NIBAN1: variants seen among roughly 807,000 people sequenced by gnomAD.
NIBAN1 encodes niban apoptosis regulator 1.
Under a neutral mutation model 75.1 loss-of-function variants are expected in NIBAN1, and 81 were observed. The observed-to-expected ratio is 1.08, with a 90% CI of 0.90 to 1.30. NIBAN1 has a LOEUF of 1.30. Among genes scored for constraint, NIBAN1 ranks in the 50% most tolerant of loss-of-function variants. The pLI is 0.00. For missense variants in NIBAN1, 1,133 were observed against 1,128.1 expected (o/e 1.00, Z -0.06); for synonymous variants, 436 against 424.8 (o/e 1.03, Z -0.32).
chr1:184,823,791 T>TCAGGA (rs1443817482), intron 6 of NIBAN1, 49 bp from the exon 7 acceptor site: 6 of 1,516,808 alleles, frequency 4.0e-6, no homozygotes, highest in Non-Finnish European at 4.6e-6. Context: ...GATGGCTACA[T>TCAGGA]CTGAGCATCA....
intron 1 of NIBAN1, among the ~76,000 whole-genome samples, chr1:184,927,279 C>T (rs913480720): frequency 9.9e-5 from 15 of 152,108 alleles, no homozygotes; most frequent in African/African-American, 2.9e-4. Flanking sequence ...TCAGTCTGGG[C>T]TTGTTTGTAC....
intron 1 of NIBAN1, among the ~76,000 whole-genome samples, chr1:184,954,909 A>C (rs970047553): frequency 6.6e-6 from 1 of 152,216 alleles, no homozygotes; most frequent in Non-Finnish European, 1.5e-5. Flanking sequence ...CAGCTCTATG[A>C]ATCTTCTATG....
At chr1:184,904,494 A>C (rs1657038891) in intron 1 of NIBAN1, among the ~76,000 whole-genome samples, 2 of 152,192 alleles carry the variant, frequency 1.3e-5, no homozygotes, top group African/African-American at 4.8e-5. Flanking sequence ...TTAACTCTAT[A>C]CAGGCTCAAA....
chr1:184,823,876 C>T (rs537620245), intron 6 of NIBAN1, 134 bp from the exon 7 acceptor site: 41 of 637,208 alleles, frequency 6.4e-5, no homozygotes, highest in Non-Finnish European at 8.3e-6. Flanking sequence ...AATAGTTTAA[C>T]CTACTACAGA....
At chr1:184,804,857 C>T (rs2102191456) in intron 11 of NIBAN1, among the ~76,000 whole-genome samples, 1 of 151,794 alleles carries the variant, frequency 6.6e-6, no homozygotes, top group South Asian at 2.1e-4. Context: ...GGCACAATCT[C>T]CGCTCACTGC....
At chr1:184,904,716 C>T (rs1464386074) in intron 1 of NIBAN1, among the ~76,000 whole-genome samples, 1 of 152,150 alleles carries the variant, frequency 6.6e-6, no homozygotes, top group East Asian at 1.9e-4. Context: ...TTTGGGAGGC[C>T]AAGGTGGGTG....
At chr1:184,928,175 G>A (rs1657730095) in intron 1 of NIBAN1, among the ~76,000 whole-genome samples, 1 of 152,146 alleles carries the variant, frequency 6.6e-6, no homozygotes, top group African/African-American at 2.4e-5. Flanking sequence ...GGGGGCCTCA[G>A]GACTTTGCCT....
intron 1 of NIBAN1, among the ~76,000 whole-genome samples, chr1:184,937,145 C>CTTTTT (rs138240427): frequency 6.6e-4 from 61 of 92,096 alleles, no homozygotes; most frequent in East Asian, 9.3e-4. Flanking sequence ...TAGCTGGATT[C>CTTTTT]TTTTTTTTTT....
chr1:184,857,287 T>C (rs915357037), intron 5 of NIBAN1, among the ~76,000 whole-genome samples: 2 of 152,162 alleles, frequency 1.3e-5, no homozygotes, highest in African/African-American at 4.8e-5. Context: ...GTGAGTTCTC[T>C]AGCTTCCAGT....
At chr1:184,841,320 CAG>C (rs1333820920) in intron 5 of NIBAN1, among the ~76,000 whole-genome samples, 1 of 152,076 alleles carries the variant, frequency 6.6e-6, no homozygotes, top group Non-Finnish European at 1.5e-5. Context: ...GCAAGTCAGT[CAG>C]GGGTGTGATA....
intron 1 of NIBAN1, among the ~76,000 whole-genome samples, chr1:184,935,131 T>A (rs552431658): frequency 6.6e-6 from 1 of 152,342 alleles, no homozygotes; most frequent in East Asian, 1.9e-4. Context: ...AGACATTTTT[T>A]TTTTAAGTTT....
intron 5 of NIBAN1, among the ~76,000 whole-genome samples, chr1:184,865,160 G>A (rs563327403): frequency 6.6e-6 from 1 of 152,256 alleles, no homozygotes; most frequent in South Asian, 2.1e-4. Context: ...ATGGTAGATA[G>A]GAATGTAAGT....
At chr1:184,820,815 G>A (rs755301101) in intron 8 of NIBAN1, among the ~76,000 whole-genome samples, 1 of 152,192 alleles carries the variant, frequency 6.6e-6, no homozygotes, top group African/African-American at 2.4e-5. Flanking sequence ...TCTGTAAAAT[G>A]GAGATCATAA....
intron 1 of NIBAN1, among the ~76,000 whole-genome samples, chr1:184,939,296 A>T (rs1658033465): frequency 6.6e-6 from 1 of 152,208 alleles, no homozygotes; most frequent in South Asian, 2.1e-4. Flanking sequence ...GAGTAACTGG[A>T]GGCAGAAACA....
At chr1:184,966,433 A>C (rs1468882031) in intron 1 of NIBAN1, among the ~76,000 whole-genome samples, 2 of 152,226 alleles carry the variant, frequency 1.3e-5, no homozygotes, top group Non-Finnish European at 1.5e-5. Flanking sequence ...AGATGCATGC[A>C]TCCACAGGAA....
intron 5 of NIBAN1, among the ~76,000 whole-genome samples, chr1:184,860,132 G>A (rs114842076): frequency 0.016 from 2,493 of 152,264 alleles, 63 homozygotes; most frequent in African/African-American, 0.056. Flanking sequence ...TATGGTGTGA[G>A]TGGGGTTGGA....
chr1:184,961,793 G>C (rs1172231029), intron 1 of NIBAN1, among the ~76,000 whole-genome samples: 1 of 152,224 alleles, frequency 6.6e-6, no homozygotes, highest in Non-Finnish European at 1.5e-5. Flanking sequence ...TGCTAGTAAG[G>C]CATCTGGGAA....
chr1:184,803,770 C>T (rs1654113701), intron 11 of NIBAN1, 78 bp from the exon 12 acceptor site: 2 of 1,188,898 alleles, frequency 1.7e-6, no homozygotes, highest in African/African-American at 1.5e-5. Flanking sequence ...CTCAGCCACC[C>T]ACTTCACCTC....
chr1:184,946,038 C>A (rs1193069379), intron 1 of NIBAN1, among the ~76,000 whole-genome samples: 1 of 150,870 alleles, frequency 6.6e-6, no homozygotes, highest in East Asian at 1.9e-4. Context: ...AGAACAAATG[C>A]AAGAGAGTTT....
Sources: gnomAD v4.1 joint callset for allele counts (sites outside exome capture counted in the v4.1 genomes callset) on GRCh38, gnomAD v4.1.1 for gene constraint, MANE v1.5 for transcripts, NCBI Gene and HGNC (gene_info 2026-07-23, HGNC 2026-07-21) for gene names.